Variants in SLCO2B1 observed in about 807,000 individuals in gnomAD.
SLCO2B1 encodes OATP-RP2.
Under a neutral mutation model 67.3 loss-of-function variants are expected in SLCO2B1, and 41 were observed. The ratio of observed to expected loss-of-function variants is 0.61; its 90% CI spans 0.47 to 0.79. SLCO2B1 has a LOEUF of 0.79. Among genes scored for constraint, SLCO2B1 ranks in the 30% least tolerant of loss-of-function variants. SLCO2B1 has a pLI of 0.00. For synonymous variants in SLCO2B1, 379 were observed against 381.4 expected, an observed-to-expected ratio of 0.99 and a Z score of 0.07; for missense variants, 837 against 920.1, an observed-to-expected ratio of 0.91 and a Z score of 1.17.
intron 12 of SLCO2B1, 27 bp downstream of exon 12, chr11:75,202,992 T>C: frequency 6.3e-7 from 1 of 1,597,440 alleles, no homozygotes; most frequent in Non-Finnish European, 8.6e-7. Flanking sequence ...GGACCATTGG[T>C]GGTGGTGATG....
intron 10 of SLCO2B1, chr11:75,199,584 G>C (rs1945151926): frequency 6.6e-6 from 1 of 152,288 alleles, no homozygotes; most frequent in Non-Finnish European, 1.5e-5. Flanking sequence ...GGAGGTGAGA[G>C]GCCCAGAGGG....
At position 75,200,021 on chromosome 11, in the gene SLCO2B1, C is replaced by T. The variant is rs1028858407; in HGVS notation, c.1600-203C>T. The T allele has an allele frequency of 6.2e-5, 33 of 528,002 alleles. No individual in the cohort carries two copies. In the African/African-American group the frequency reaches 6.4e-4, roughly 10 times the overall value. 32.7% of individuals were successfully genotyped at this position (528,002 alleles called of 1,614,324 possible). On this transcript the variant is annotated intron_variant, in intron 10 of 13. Coordinates refer to ENST00000289575, the MANE Select transcript of SLCO2B1 (RefSeq NM_007256.5). ...GCCCACCACCTCAGCCCAGGCTCAA[C>T]TTGCACATAGACAGCCCTTGAGGTG...
chr11:75,204,846 G>A lies in SLCO2B1; in HGVS notation c.*266G>A. On this transcript the variant is annotated 3_prime_UTR_variant, in exon 14 of 14. Coordinates refer to ENST00000289575, the MANE Select transcript of SLCO2B1 (RefSeq NM_007256.5). Reference sequence around the variant, plus strand: ...TTCCCCCAGCCAGCCAGCTGTCCTGGGGCCAGGCTTTCCTGGGTGGAAAGA... The same window carrying A: ...TTCCCCCAGCCAGCCAGCTGTCCTGAGGCCAGGCTTTCCTGGGTGGAAAGA... 6.7e-6 allele frequency: 2 copies of A among 297,194 alleles called. No individual in the cohort carries two copies. Among genetic ancestry groups the A allele is most frequent in the South Asian group, 2.0e-4 (2 of 10,126 alleles). 18.4% of individuals were successfully genotyped at this position (297,194 alleles called of 1,614,324 possible).
chr11:75,166,196 G>T (rs922079642), intron 4 of SLCO2B1, among the ~76,000 whole-genome samples: 3 of 152,124 alleles, frequency 2.0e-5, no homozygotes, highest in Non-Finnish European at 4.4e-5. Flanking sequence ...ATGTCACTGT[G>T]GGTTTTTTTA....
At position 75,193,036 on chromosome 11, in the gene SLCO2B1, A is replaced by C. The variant is rs1945047569; in HGVS notation, c.1076-182A>C. ...CCAGCCTGGGCGACAGAGAGAGAAA[A>C]AAAAAGGGACTAGAGTAAATGGAAT... On this transcript the variant is annotated intron_variant, in intron 8 of 13. Coordinates refer to ENST00000289575, the MANE Select transcript of SLCO2B1 (RefSeq NM_007256.5). The surrounding 1 kb of genome is among the most constrained non-coding windows in gnomAD (Gnocchi z 4.2). Among the ~76,000 whole-genome samples the C allele has an allele frequency of 6.6e-6, 1 of 152,158 alleles. No individual in the cohort carries two copies. The highest frequency in any genetic ancestry group is 1.5e-5 in the Non-Finnish European group (1 of 68,038).
chr11:75,203,190 G>C, intron 12 of SLCO2B1, 117 bp from the exon 13 acceptor site: 1 of 1,444,440 alleles, frequency 6.9e-7, no homozygotes, highest in Non-Finnish European at 9.3e-7. Context: ...GCGGGCTTGA[G>C]GGCCAGACAG....
intron 7 of SLCO2B1, among the ~76,000 whole-genome samples, chr11:75,187,627 G>A (rs1944955877): frequency 6.6e-6 from 1 of 152,174 alleles, no homozygotes; most frequent in Non-Finnish European, 1.5e-5. Context: ...CATCATCATG[G>A]TGGTAGTGAT....
chr11:75,197,697 G>A (rs1198878428), intron 10 of SLCO2B1, among the ~76,000 whole-genome samples: 1 of 152,168 alleles, frequency 6.6e-6, no homozygotes, highest in Admixed American at 6.5e-5. Context: ...GGACACAGAA[G>A]GCTAGCGAGC....
intron 4 of SLCO2B1, among the ~76,000 whole-genome samples, chr11:75,166,795 T>C (rs1949898230): frequency 6.6e-6 from 1 of 152,060 alleles, no homozygotes; most frequent in South Asian, 2.1e-4. Context: ...AAAAAACAAT[T>C]GTGTGAGGAG....
At chr11:75,172,700 C>T (rs886906287) in intron 7 of SLCO2B1, 131 bp downstream of exon 7, 6 of 757,700 alleles carry the variant, frequency 7.9e-6, no homozygotes, top group Middle Eastern at 2.5e-4. Context: ...GAGGCCAAGG[C>T]GGTTGGATCA....
At chr11:75,197,308 G>A (rs1945114656) in intron 10 of SLCO2B1, among the ~76,000 whole-genome samples, 1 of 152,228 alleles carries the variant, frequency 6.6e-6, no homozygotes, top group Non-Finnish European at 1.5e-5. Context: ...TCCCACCTGG[G>A]TGGGGTTGGG....
At chr11:75,202,700 C>T in intron 11 of SLCO2B1, 1 of 605,510 alleles carries the variant, frequency 1.7e-6, no homozygotes. Flanking sequence ...GGTGTGTTGT[C>T]TTGTATATGG....
In SLCO2B1 at chr11:75,193,523, T is replaced by G. The variant is rs764506717; in HGVS notation, c.1381T>G (p.Phe461Val). The stretch of plus-strand genomic sequence containing the variant: ...GTGCCTCTTCTTCAGCCTGCCGCTC[T>G]TCTTTATCGGCTGCTCCAGCCACCA... ...LLCLFFSLPL[F>V]FIGCSSHQIA... The change falls in exon 9 of 14, where the codon TTC becomes GTC. Residue 461 changes from phenylalanine (F) to valine (V), a missense_variant. Transcript: ENST00000289575. This position sits in a 1 kb window ranked among gnomAD's most constrained non-coding sequence, Gnocchi z 4.2. 3 of 1,589,026 alleles carry G rather than the reference T, an allele frequency of 1.9e-6. No homozygotes were observed. The East Asian group carries it at 6.7e-5, about 36-fold the overall frequency.
At chr11:75,187,651 G>T (rs1365324527) in intron 7 of SLCO2B1, among the ~76,000 whole-genome samples, 1 of 152,168 alleles carries the variant, frequency 6.6e-6, no homozygotes, top group Non-Finnish European at 1.5e-5. Context: ...GAAGGTTCAG[G>T]TGACAGTGAT....
At chr11:75,182,270 C>T (rs1017923668) in intron 7 of SLCO2B1, among the ~76,000 whole-genome samples, 9 of 152,228 alleles carry the variant, frequency 5.9e-5, no homozygotes, top group Admixed American at 4.6e-4. Context: ...CAGCAGGAGA[C>T]AGGACTGACA....
At chr11:75,160,556 C>T (rs1949806556) in intron 1 of SLCO2B1, among the ~76,000 whole-genome samples, 1 of 152,206 alleles carries the variant, frequency 6.6e-6, no homozygotes, top group African/African-American at 2.4e-5. Context: ...CTCTGGGAGC[C>T]TTTGCTTTGA....
intron 1 of SLCO2B1, among the ~76,000 whole-genome samples, chr11:75,151,609 T>C (rs958009241): frequency 1.3e-5 from 2 of 152,174 alleles, no homozygotes; most frequent in Non-Finnish European, 2.9e-5. Flanking sequence ...TTTACTCAGC[T>C]GGAGCCAGGG....
At chr11:75,162,985 C>T (rs77757542) in intron 2 of SLCO2B1, 200 bp downstream of exon 2, 9 of 548,952 alleles carry the variant, frequency 1.6e-5, no homozygotes, top group South Asian at 1.5e-4. Flanking sequence ...AGTACATGTT[C>T]GCTCCTCCCA....
At chr11:75,199,428 T>TCC (rs2140344383) in intron 10 of SLCO2B1, 1 of 152,432 alleles carries the variant, frequency 6.6e-6, no homozygotes, top group South Asian at 2.1e-4. Flanking sequence ...CCCGATCTGG[T>TCC]CCCTCCTCCA....
Sources: gnomAD v4.1 joint callset for allele counts (sites outside exome capture counted in the v4.1 genomes callset) on GRCh38, gnomAD v4.1.1 for gene constraint, Gnocchi (gnomAD v3.1) non-coding constraint, MANE v1.5 for transcripts, NCBI Gene and HGNC (gene_info 2026-07-23, HGNC 2026-07-21) for gene names.